Variants in TMEM200A observed in about 807,000 individuals in gnomAD.
TMEM200A encodes the protein two transmembrane C.
Under a neutral mutation model 24.3 loss-of-function variants are expected in TMEM200A, and 12 were observed. The observed-to-expected ratio is 0.49, with a 90% CI of 0.32 to 0.80. TMEM200A has a LOEUF of 0.80. TMEM200A is among the 30% of genes least tolerant of loss of function. TMEM200A has a pLI of 0.04. For missense variants in TMEM200A, 545 were observed against 614.4 expected, an observed-to-expected ratio of 0.89 and a Z score of 1.19; for synonymous variants, 224 against 224.4, an observed-to-expected ratio of 1.00 and a Z score of 0.02.
intron 2 of TMEM200A, among the ~76,000 whole-genome samples, chr6:130,422,827 A>G (rs1225139755): frequency 3.3e-5 from 5 of 152,210 alleles, no homozygotes; most frequent in Non-Finnish European, 7.3e-5. Flanking sequence ...TAAAAAACTT[A>G]TATGAGTGTT....
In TMEM200A at chr6:130,442,193, A is replaced by G. The variant is rs1219910955; in HGVS notation, c.*295A>G. Reference sequence around the variant, plus strand: ...TTAAAGCTTATTTTCTTTACTTTTAAGTTCTTTGATTGCCCTATTCATAAA... The same window carrying G: ...TTAAAGCTTATTTTCTTTACTTTTAGGTTCTTTGATTGCCCTATTCATAAA... On this transcript the variant is annotated 3_prime_UTR_variant, in exon 3 of 3. Coordinates refer to ENST00000296978, the MANE Select transcript of TMEM200A (RefSeq NM_001258277.2). 1 of 265,986 alleles carries G rather than the reference A, an allele frequency of 3.8e-6. No individual in the cohort carries two copies. Among genetic ancestry groups the G allele is most frequent in the Non-Finnish European group, 7.6e-6 (1 of 131,452 alleles). The allele number at this position is 265,986 out of a possible 1,614,324, so 16.5% of individuals were successfully genotyped here.
At chr6:130,408,278 G>A (rs1779252372) in intron 2 of TMEM200A, among the ~76,000 whole-genome samples, 1 of 152,194 alleles carries the variant, frequency 6.6e-6, no homozygotes, top group Non-Finnish European at 1.5e-5. Flanking sequence ...TGGGTTTTCT[G>A]CCCAGGTAGG....
intron 1 of TMEM200A, among the ~76,000 whole-genome samples, chr6:130,375,669 G>A (rs954159810): frequency 6.6e-6 from 1 of 152,168 alleles, no homozygotes; most frequent in African/African-American, 2.4e-5. Context: ...TACAACCTGC[G>A]AGAGAATGAG....
intron 1 of TMEM200A, among the ~76,000 whole-genome samples, chr6:130,372,892 A>G (rs530306875): frequency 2.0e-5 from 3 of 152,338 alleles, no homozygotes; most frequent in South Asian, 4.1e-4. Context: ...GAACAACTCA[A>G]TAGAATAATA....
At chr6:130,403,776 T>C (rs1193796733) in intron 2 of TMEM200A, among the ~76,000 whole-genome samples, 2 of 152,092 alleles carry the variant, frequency 1.3e-5, no homozygotes, top group South Asian at 4.1e-4. Flanking sequence ...CACCCAGGTA[T>C]TAAGTCTAGT....
intron 2 of TMEM200A, among the ~76,000 whole-genome samples, chr6:130,402,766 GTTTA>G (rs1372558895): frequency 6.6e-6 from 1 of 151,964 alleles, no homozygotes; most frequent in East Asian, 1.9e-4. Context: ...GATATACAAA[GTTTA>G]TTTAAAGTAT....
At chr6:130,422,940 C>T (rs1426361477) in intron 2 of TMEM200A, among the ~76,000 whole-genome samples, 2 of 152,170 alleles carry the variant, frequency 1.3e-5, no homozygotes, top group Admixed American at 6.6e-5. Flanking sequence ...ATAATTTTGA[C>T]ATGGAATTTT....
In TMEM200A at chr6:130,423,327, CAAAT is replaced by C. The variant is rs377702304; in HGVS notation, c.-16-17075_-16-17072del. On this transcript the variant is annotated intron_variant, in intron 2 of 2. Transcript: ENST00000296978. ...GCCATGTGTACATGTGAAAAAGTCT[CAAAT>C]AAATGAGATCGCTTACCACATTGTC... Among the ~76,000 whole-genome samples the C allele has an allele frequency of 6.6e-3, 998 of 152,204 alleles. 13 individuals are homozygous for C. Among genetic ancestry groups the C allele is most frequent in the African/African-American group, 0.019 (785 of 41,538 alleles).
intron 1 of TMEM200A, among the ~76,000 whole-genome samples, chr6:130,368,464 A>G (rs894935133): frequency 1.3e-5 from 2 of 152,198 alleles, no homozygotes; most frequent in African/African-American, 4.8e-5. Context: ...AGGAAAAATA[A>G]CTTGTGCAGC....
intron 2 of TMEM200A, among the ~76,000 whole-genome samples, chr6:130,397,756 T>C (rs1778984793): frequency 6.6e-6 from 1 of 151,792 alleles, no homozygotes; most frequent in Admixed American, 6.6e-5. Flanking sequence ...CCAGGCTTTT[T>C]ATATGTTTAT....
At chr6:130,408,864 C>G (rs1010897311) in intron 2 of TMEM200A, among the ~76,000 whole-genome samples, 1 of 152,072 alleles carries the variant, frequency 6.6e-6, no homozygotes, top group Non-Finnish European at 1.5e-5. Context: ...TAGGGGAGAC[C>G]TGCCATAGGA....
At chr6:130,377,909 G>A (rs439807) in intron 1 of TMEM200A, among the ~76,000 whole-genome samples, 1 of 152,170 alleles carries the variant, frequency 6.6e-6, no homozygotes, top group Non-Finnish European at 1.5e-5. Context: ...CATGGCCAAG[G>A]AAGCCCTCTC....
intron 2 of TMEM200A, among the ~76,000 whole-genome samples, chr6:130,407,407 G>C (rs1406567609): frequency 6.6e-6 from 1 of 152,174 alleles, no homozygotes; most frequent in Non-Finnish European, 1.5e-5. Context: ...TGCTACAGTA[G>C]GATTGTTAAT....
chr6:130,422,150 G>A (rs943852967), intron 2 of TMEM200A, among the ~76,000 whole-genome samples: 1 of 152,110 alleles, frequency 6.6e-6, no homozygotes, highest in Admixed American at 6.6e-5. Flanking sequence ...AATAATGGCT[G>A]TACTAATGTA....
rs267600806 is a variant in TMEM200A at position 130,441,083 on chromosome 6, C to T, written c.661C>T (p.Arg221Ter). 2.5e-6 allele frequency: 4 copies of T among 1,613,798 alleles called. No individual in the cohort carries two copies. The highest frequency in any genetic ancestry group is 3.4e-6 in the Non-Finnish European group (4 of 1,179,986). The change falls in exon 3 of 3, where the codon CGA (arginine) becomes TGA (stop). Residue 221 changes from arginine (R) to a stop codon, truncating the protein, a stop_gained. Transcript: ENST00000296978. LOFTEE classifies it high-confidence loss of function. ...ASFSGFRSSF[R>*]MDSSVEEDEL... ...TTTCTCGGGTTTTCGGAGCAGTTTT[C>T]GAATGGACAGCTCCGTGGAGGAGGA...
At chr6:130,397,851 C>T (rs1778986516) in intron 2 of TMEM200A, among the ~76,000 whole-genome samples, 1 of 150,838 alleles carries the variant, frequency 6.6e-6, no homozygotes, top group African/African-American at 2.4e-5. Context: ...ATAATCATAT[C>T]CTTTGCAATA....
At chr6:130,379,242 C>T in intron 1 of TMEM200A, among the ~76,000 whole-genome samples, 1 of 151,588 alleles carries the variant, frequency 6.6e-6, no homozygotes, top group East Asian at 1.9e-4. Context: ...ATTTTTCAGA[C>T]AACACTGTGT....
Position 130,366,484 on chromosome 6 carries a change from G to C in TMEM200A, c.-121G>C, listed in dbSNP as rs1191294292. On this transcript the variant is annotated 5_prime_UTR_variant, in exon 1 of 3. Transcript: ENST00000296978. The surrounding 1 kb of genome is among the most constrained non-coding windows in gnomAD (Gnocchi z 4.4). ...GGAGTGAGACCAGGACTGAGAACAGGGAGAGGCGACCCGACCCCCAGGGCC... is the reference window on the plus strand; with the variant it reads ...GGAGTGAGACCAGGACTGAGAACAGCGAGAGGCGACCCGACCCCCAGGGCC... 5.1e-6 allele frequency: 5 copies of C among 985,812 alleles called. No individual in the cohort carries two copies. The highest frequency in any genetic ancestry group is 4.7e-5 in the South Asian group (1 of 21,302). 61.1% of individuals were successfully genotyped at this position (985,812 alleles called of 1,614,324 possible).
chr6:130,401,801 C>T (rs1031725546), intron 2 of TMEM200A, among the ~76,000 whole-genome samples: 1 of 151,814 alleles, frequency 6.6e-6, no homozygotes, highest in African/African-American at 2.4e-5. Context: ...ACAGTGGTCT[C>T]TCACTTATTT....
Sources: allele counts gnomAD v4.1 joint callset (sites outside exome capture counted in the v4.1 genomes callset), GRCh38; gene constraint gnomAD v4.1.1; non-coding constraint Gnocchi (gnomAD v3.1); transcripts MANE v1.5; gene names NCBI Gene and HGNC (gene_info 2026-07-23, HGNC 2026-07-21).